BMP6: variants seen among roughly 807,000 people sequenced by gnomAD.
BMP6 encodes the protein bone morphogenetic protein 6.
A neutral mutation model predicts 54.1 loss-of-function variants in BMP6; 17 were observed. The ratio of observed to expected loss-of-function variants is 0.31; its 90% confidence interval spans 0.22 to 0.47. The LOEUF (loss-of-function observed/expected upper bound fraction) is 0.47, where lower values mean the gene tolerates loss of function less well. Among genes scored for constraint, BMP6 ranks in the 20% least tolerant of loss-of-function variants. The pLI is 1.00. For missense variants in BMP6, 720 were observed against 690.4 expected (o/e 1.04, Z -0.48); for synonymous variants, 328 against 291.2 (o/e 1.13, Z -1.28).
At position 7,745,916 on chromosome 6, in the gene BMP6, C is replaced by T. The variant is rs145167952; in HGVS notation, c.664+18297C>T. ...CCAGGAGGCGGAGGTTGCAGTGGGCCGAGATTGCGTCACTACATTCCAGCC... is the reference window on the plus strand; with the variant it reads ...CCAGGAGGCGGAGGTTGCAGTGGGCTGAGATTGCGTCACTACATTCCAGCC... On this transcript the variant is annotated intron_variant, in intron 1 of 6. Transcript: ENST00000283147. Among the ~76,000 whole-genome samples the T allele has an allele frequency of 7.3e-4, 111 of 151,894 alleles. 2 individuals are homozygous for T. The East Asian group carries it at 0.018, about 25-fold the overall frequency.
intron 1 of BMP6, among the ~76,000 whole-genome samples, chr6:7,738,395 G>C (rs1761994029): frequency 6.6e-6 from 1 of 152,172 alleles, no homozygotes; most frequent in African/African-American, 2.4e-5. Context: ...TGTGGCTCCA[G>C]CTCTCTCTGG....
At chr6:7,826,819 C>T (rs1758704852) in intron 1 of BMP6, among the ~76,000 whole-genome samples, 1 of 152,036 alleles carries the variant, frequency 6.6e-6, no homozygotes, top group Admixed American at 6.5e-5. Flanking sequence ...GTGTGTTTGC[C>T]TATCCACGCT....
intron 1 of BMP6, among the ~76,000 whole-genome samples, chr6:7,790,506 C>A (rs1303292033): frequency 8.2e-6 from 1 of 121,348 alleles, no homozygotes; most frequent in Non-Finnish European, 1.6e-5. Context: ...CACAGTGAGA[C>A]CCTGTCTCAA....
At chr6:7,737,982 C>G (rs1376789011) in intron 1 of BMP6, among the ~76,000 whole-genome samples, 3 of 149,730 alleles carry the variant, frequency 2.0e-5, no homozygotes, top group African/African-American at 4.9e-5. Context: ...TTTTTTTCTT[C>G]TTTTTTGTAA....
chr6:7,747,829 A>G (rs1271318991), intron 1 of BMP6, among the ~76,000 whole-genome samples: 1 of 148,794 alleles, frequency 6.7e-6, no homozygotes. Context: ...TTTTTTTTGT[A>G]GAGATGGGGT....
At chr6:7,789,863 A>C (rs1758069342) in intron 1 of BMP6, among the ~76,000 whole-genome samples, 1 of 152,180 alleles carries the variant, frequency 6.6e-6, no homozygotes, top group African/African-American at 2.4e-5. Flanking sequence ...ACCTAGAGAC[A>C]GGCAGCTTTT....
intron 1 of BMP6, among the ~76,000 whole-genome samples, chr6:7,841,345 C>T: frequency 6.6e-6 from 1 of 152,158 alleles, no homozygotes; most frequent in East Asian, 1.9e-4. Context: ...GAACTCAGCC[C>T]TCTCCCTTTC....
chr6:7,870,658 TCA>T (rs1759510250), intron 4 of BMP6, among the ~76,000 whole-genome samples: 2 of 151,970 alleles, frequency 1.3e-5, no homozygotes, highest in Non-Finnish European at 2.9e-5. Context: ...AAAACGGGTC[TCA>T]CTCTGTTGCC....
chr6:7,754,224 C>T (rs1300800396), intron 1 of BMP6, among the ~76,000 whole-genome samples: 2 of 152,062 alleles, frequency 1.3e-5, no homozygotes, highest in Non-Finnish European at 2.9e-5. Context: ...CTCAAGCGAT[C>T]CTCCCATCTC....
At chr6:7,774,368 G>A (rs1757832757) in intron 1 of BMP6, among the ~76,000 whole-genome samples, 1 of 152,212 alleles carries the variant, frequency 6.6e-6, no homozygotes, top group Non-Finnish European at 1.5e-5. Flanking sequence ...TGACCAACAT[G>A]TCGAAGCCCC....
chr6:7,874,873 CG>C (rs1759582030), intron 4 of BMP6, among the ~76,000 whole-genome samples: 2 of 151,996 alleles, frequency 1.3e-5, no homozygotes, highest in Non-Finnish European at 1.5e-5. Context: ...TTAGCTAGTC[CG>C]GGTTTTTACT....
intron 1 of BMP6, among the ~76,000 whole-genome samples, chr6:7,741,343 T>C (rs1757251781): frequency 1.3e-5 from 2 of 152,340 alleles, no homozygotes; most frequent in East Asian, 3.9e-4. Flanking sequence ...TCACCCAGGC[T>C]GGAATGCAGT....
chr6:7,840,241 C>T (rs1454301856), intron 1 of BMP6, among the ~76,000 whole-genome samples: 1 of 152,290 alleles, frequency 6.6e-6, no homozygotes, highest in East Asian at 1.9e-4. Context: ...TAGTGATACA[C>T]ACATGCAGTA....
intron 1 of BMP6, among the ~76,000 whole-genome samples, chr6:7,780,709 G>GTTA (rs10665058): frequency 2.2e-4 from 33 of 151,240 alleles, no homozygotes; most frequent in Non-Finnish European, 4.3e-4. Flanking sequence ...TTATTTTATT[G>GTTA]TTATTATTAT....
chr6:7,830,183 C>T, intron 1 of BMP6, among the ~76,000 whole-genome samples: 1 of 152,172 alleles, frequency 6.6e-6, no homozygotes, highest in Non-Finnish European at 1.5e-5. Flanking sequence ...TCTCTCCTCT[C>T]TCTCATATCC....
intron 1 of BMP6, among the ~76,000 whole-genome samples, chr6:7,731,301 C>T (rs751848893): frequency 2.0e-5 from 3 of 152,140 alleles, no homozygotes; most frequent in East Asian, 3.8e-4. Flanking sequence ...AATTTGGTGA[C>T]CTTGGAGAGG....
chr6:7,864,567 A>C (rs59480083), intron 4 of BMP6, among the ~76,000 whole-genome samples: 2,563 of 152,314 alleles, frequency 0.017, 67 homozygotes, highest in African/African-American at 0.059. Flanking sequence ...CATGTTGGGA[A>C]GAGTTAATGC....
intron 1 of BMP6, among the ~76,000 whole-genome samples, chr6:7,794,554 A>G (rs1477957787): frequency 6.7e-6 from 1 of 149,808 alleles, no homozygotes; most frequent in Admixed American, 6.7e-5. Context: ...GAGTTGTGAT[A>G]GTACCACAGC....
At chr6:7,761,727 T>C (rs1337962874) in intron 1 of BMP6, among the ~76,000 whole-genome samples, 1 of 152,232 alleles carries the variant, frequency 6.6e-6, no homozygotes, top group Non-Finnish European at 1.5e-5. Context: ...AAAGGCTTCA[T>C]TGATATCTTC....
Sources: allele counts gnomAD v4.1 joint callset (sites outside exome capture counted in the v4.1 genomes callset), GRCh38; gene constraint gnomAD v4.1.1; transcripts MANE v1.5; gene names NCBI Gene and HGNC (gene_info 2026-07-23, HGNC 2026-07-21).